SDK1: variants seen among roughly 807,000 people sequenced by gnomAD.
SDK1 encodes protein sidekick-1.
A neutral mutation model predicts 245.5 loss-of-function variants in SDK1; 157 were observed. The observed-to-expected ratio is 0.64, with a 90% confidence interval of 0.56 to 0.73. SDK1 has a LOEUF of 0.73. Among genes scored for constraint, SDK1 ranks in the 30% least tolerant of loss-of-function variants. SDK1 has a pLI of 0.00. For missense variants in SDK1, 3,583 were observed against 3,002.3 expected (o/e 1.19, Z -4.52); for synonymous variants, 1,647 against 1,278.5 (o/e 1.29, Z -6.15).
chr7:3,978,900 G>A (rs1279249361), intron 13 of SDK1, among the ~76,000 whole-genome samples: 4 of 152,222 alleles, frequency 2.6e-5, no homozygotes, highest in African/African-American at 7.2e-5. Context: ...TAGAAATTAC[G>A]AGCATCTGAA....
At chr7:3,726,877 G>A (rs1779024406) in intron 4 of SDK1, among the ~76,000 whole-genome samples, 1 of 152,182 alleles carries the variant, frequency 6.6e-6, no homozygotes, top group Non-Finnish European at 1.5e-5. Flanking sequence ...TTTCTACTGT[G>A]TAGTCCATTA....
intron 1 of SDK1, among the ~76,000 whole-genome samples, chr7:3,335,049 A>C (rs73290052): frequency 2.6e-5 from 4 of 152,112 alleles, no homozygotes; most frequent in Non-Finnish European, 5.9e-5. Flanking sequence ...TTTAAAACAT[A>C]CCCTGAAACC....
chr7:3,429,261 T>C (rs1238670774), intron 1 of SDK1, among the ~76,000 whole-genome samples: 1 of 152,152 alleles, frequency 6.6e-6, no homozygotes, highest in African/African-American at 2.4e-5. Flanking sequence ...TAAGTGCCTC[T>C]AAAATGCCAG....
Position 3,577,475 on chromosome 7 carries a change from C to G in SDK1, c.299-41605C>G, listed in dbSNP as rs539207628. Among the ~76,000 whole-genome samples, 127 of 151,940 alleles carry G rather than the reference C, an allele frequency of 8.4e-4. 1 individual carries two copies. The highest frequency in any genetic ancestry group is 1.4e-3 in the Non-Finnish European group (96 of 67,952). On this transcript the variant is annotated intron_variant, in intron 1 of 44. Transcript: ENST00000404826. ...CCCTGGACTTCATGGGCTTTCATGC[C>G]CTACAGGATGGCTCTTTTCATGCTC...
chr7:3,817,909 T>C (rs1294180831), intron 4 of SDK1, among the ~76,000 whole-genome samples: 1 of 152,240 alleles, frequency 6.6e-6, no homozygotes, highest in Non-Finnish European at 1.5e-5. Context: ...ACTGCACAGA[T>C]ACTTTGCTCA....
At chr7:3,800,725 A>C (rs567006145) in intron 4 of SDK1, among the ~76,000 whole-genome samples, 1 of 152,204 alleles carries the variant, frequency 6.6e-6, no homozygotes, top group African/African-American at 2.4e-5. Context: ...CACATACCAA[A>C]TGATTCAGAG....
In SDK1 at chr7:4,129,623, T is replaced by C. The variant is rs931384734; in HGVS notation, c.3940-285T>C. 1.0e-5 allele frequency: 13 copies of C among 1,273,994 alleles called. No individual in the cohort carries two copies. The African/African-American group carries it at 1.9e-4, about 18-fold the overall frequency. 78.9% of individuals were successfully genotyped at this position (1,273,994 alleles called of 1,614,324 possible). A position where few individuals can be genotyped will look rare whatever the true frequency, so the allele number is the denominator to read the frequency against. On this transcript the variant is annotated intron_variant, in intron 26 of 44. Coordinates refer to ENST00000404826, the MANE Select transcript of SDK1 (RefSeq NM_152744.4). ...TTTGTTTTAGTGGCTGTGGTTGGCA[T>C]GGCTGCAGTTGGGCCCTCAGATCTT...
chr7:3,584,635 A>G (rs182854079), intron 1 of SDK1, among the ~76,000 whole-genome samples: 3 of 151,998 alleles, frequency 2.0e-5, no homozygotes, highest in East Asian at 1.9e-4. Flanking sequence ...AACTTTCCAG[A>G]GAAGTCGCAC....
chr7:3,515,374 C>A (rs928588500), intron 1 of SDK1, among the ~76,000 whole-genome samples: 3 of 152,124 alleles, frequency 2.0e-5, no homozygotes, highest in Non-Finnish European at 4.4e-5. Flanking sequence ...CAAATTACAT[C>A]CTTCTGAATT....
intron 1 of SDK1, among the ~76,000 whole-genome samples, chr7:3,483,731 G>T (rs1401574310): frequency 1.3e-5 from 2 of 152,010 alleles, no homozygotes; most frequent in African/African-American, 4.8e-5. Flanking sequence ...TTAGGAATGG[G>T]TGTTCAGTAC....
intron 1 of SDK1, among the ~76,000 whole-genome samples, chr7:3,409,558 C>G (rs1207310463): frequency 1.3e-5 from 2 of 152,072 alleles, no homozygotes; most frequent in Non-Finnish European, 2.9e-5. Flanking sequence ...TTGTTTGGCT[C>G]CAGAATCCAG....
intron 1 of SDK1, among the ~76,000 whole-genome samples, chr7:3,455,819 T>G (rs538321296): frequency 6.6e-6 from 1 of 152,372 alleles, no homozygotes; most frequent in South Asian, 2.1e-4. Context: ...AAAAAAACTT[T>G]GCTGAGATTT....
chr7:3,889,489 C>T (rs954405162), intron 5 of SDK1, among the ~76,000 whole-genome samples: 20 of 152,146 alleles, frequency 1.3e-4, no homozygotes, highest in African/African-American at 4.8e-4. Context: ...ACAGTGGTAC[C>T]AGTGGCATTC....
intron 1 of SDK1, among the ~76,000 whole-genome samples, chr7:3,499,310 TA>T (rs563594194): frequency 1.3e-3 from 197 of 152,362 alleles, no homozygotes; most frequent in African/African-American, 4.0e-3. Flanking sequence ...CTTGCTATAT[TA>T]AAATAGAATT....
At chr7:3,593,650 A>T (rs1482608037) in intron 1 of SDK1, among the ~76,000 whole-genome samples, 1 of 152,184 alleles carries the variant, frequency 6.6e-6, no homozygotes, top group East Asian at 1.9e-4. Flanking sequence ...TGTATATGCA[A>T]GCTTCAATCA....
chr7:3,421,557 T>G (rs1779536846), intron 1 of SDK1, among the ~76,000 whole-genome samples: 1 of 152,220 alleles, frequency 6.6e-6, no homozygotes, highest in African/African-American at 2.4e-5. Context: ...ATATAAGGTT[T>G]AGTTTTCAGT....
At chr7:4,010,190 C>G (rs1228321551) in intron 14 of SDK1, among the ~76,000 whole-genome samples, 1 of 152,246 alleles carries the variant, frequency 6.6e-6, no homozygotes, top group Non-Finnish European at 1.5e-5. Flanking sequence ...TGGGAACCGA[C>G]AGCGGATGCT....
intron 1 of SDK1, among the ~76,000 whole-genome samples, chr7:3,563,021 G>A (rs957351793): frequency 3.3e-5 from 5 of 152,120 alleles, no homozygotes; most frequent in African/African-American, 1.2e-4. Context: ...GTAACCCAGA[G>A]CTAAACTTCT....
At chr7:3,747,714 T>C (rs1779666021) in intron 4 of SDK1, among the ~76,000 whole-genome samples, 1 of 151,942 alleles carries the variant, frequency 6.6e-6, no homozygotes, top group African/African-American at 2.4e-5. Flanking sequence ...TGTGTGTGTG[T>C]GTGTATGGTG....
Sources: allele counts gnomAD v4.1 joint callset (sites outside exome capture counted in the v4.1 genomes callset), GRCh38; gene constraint gnomAD v4.1.1; transcripts MANE v1.5; gene names NCBI Gene and HGNC (gene_info 2026-07-23, HGNC 2026-07-21).